The following GPR158 variants were observed in gnomAD, a reference collection of about 807,000 sequenced individuals.
GPR158 encodes the protein G protein-coupled receptor 158, also known as metabotropic glycine receptor.
GPR158 carries 30 observed loss-of-function variants against 78.2 expected under a neutral mutation model. That is an observed-to-expected ratio of 0.38 (90% CI 0.29 to 0.52). GPR158 has a LOEUF of 0.52. GPR158 is among the 20% of genes least tolerant of loss of function. The pLI, the probability that GPR158 is intolerant of heterozygous loss-of-function variation, is 0.83. For missense variants in GPR158, 1,463 were observed against 1,523.5 expected, an observed-to-expected ratio of 0.96 and a Z score of 0.66; for synonymous variants, 581 against 591.1, an observed-to-expected ratio of 0.98 and a Z score of 0.25.
At chr10:25,325,326 C>T (rs1199581513) in intron 2 of GPR158, among the ~76,000 whole-genome samples, 1 of 152,166 alleles carries the variant, frequency 6.6e-6, no homozygotes, top group Non-Finnish European at 1.5e-5. Flanking sequence ...GCTTATTTCA[C>T]TTAGCATAAT....
At chr10:25,276,331 T>G (rs1854181988) in intron 2 of GPR158, among the ~76,000 whole-genome samples, 1 of 152,178 alleles carries the variant, frequency 6.6e-6, no homozygotes, top group Admixed American at 6.6e-5. Flanking sequence ...AATTTTGATT[T>G]AGAAAAACCA....
chr10:25,289,693 T>A (rs142774501), intron 2 of GPR158, among the ~76,000 whole-genome samples: 19,379 of 152,196 alleles, frequency 0.13, 1,289 homozygotes, highest in Non-Finnish European at 0.14. Flanking sequence ...GTGCTGAAAT[T>A]ACAGGTGTGA....
chr10:25,304,381 A>G (rs1854638141), intron 2 of GPR158, among the ~76,000 whole-genome samples: 1 of 152,096 alleles, frequency 6.6e-6, no homozygotes, highest in Admixed American at 6.6e-5. Flanking sequence ...GAGGTAAGAT[A>G]TGTTACCCCT....
intron 5 of GPR158, among the ~76,000 whole-genome samples, chr10:25,547,426 C>T (rs1263470403): frequency 6.6e-6 from 1 of 152,140 alleles, no homozygotes; most frequent in African/African-American, 2.4e-5. Flanking sequence ...ACTATACGCT[C>T]CACACTCCGG....
chr10:25,365,568 C>G (rs1354783750), intron 2 of GPR158, among the ~76,000 whole-genome samples: 1 of 151,618 alleles, frequency 6.6e-6, no homozygotes, highest in Non-Finnish European at 1.5e-5. Context: ...TATCCAGAGG[C>G]TTCTTCCTTC....
chr10:25,366,524 T>A (rs1324723050), intron 2 of GPR158, among the ~76,000 whole-genome samples: 1 of 151,736 alleles, frequency 6.6e-6, no homozygotes, highest in Non-Finnish European at 1.5e-5. Context: ...TGAATCAAGC[T>A]AACTAAAATA....
intron 2 of GPR158, among the ~76,000 whole-genome samples, chr10:25,270,061 T>C (rs971204128): frequency 1.3e-5 from 2 of 152,176 alleles, no homozygotes; most frequent in Admixed American, 6.6e-5. Context: ...ACAAAGATTT[T>C]TGGGGAGATC....
At chr10:25,270,062 T>G (rs981593643) in intron 2 of GPR158, among the ~76,000 whole-genome samples, 6 of 152,164 alleles carry the variant, frequency 3.9e-5, no homozygotes, top group Admixed American at 1.3e-4. Flanking sequence ...CAAAGATTTT[T>G]GGGGAGATCT....
intron 5 of GPR158, among the ~76,000 whole-genome samples, chr10:25,478,190 C>G (rs1030654693): frequency 6.6e-6 from 1 of 152,094 alleles, no homozygotes; most frequent in Non-Finnish European, 1.5e-5. Flanking sequence ...TTTTAATAAA[C>G]TTAGAGAGCC....
chr10:25,457,335 C>T (rs1196961495), intron 4 of GPR158, among the ~76,000 whole-genome samples: 1 of 151,702 alleles, frequency 6.6e-6, no homozygotes, highest in Admixed American at 6.6e-5. Context: ...TAAGCAAATG[C>T]CATTGCTTGT....
chr10:25,573,176 T>C (rs192002077), intron 7 of GPR158, among the ~76,000 whole-genome samples: 174 of 152,360 alleles, frequency 1.1e-3, no homozygotes, highest in African/African-American at 4.0e-3. Context: ...AGCTTACTTT[T>C]CTCATTCTTA....
chr10:25,225,504 A>T (rs1853361144), intron 2 of GPR158, among the ~76,000 whole-genome samples: 1 of 152,156 alleles, frequency 6.6e-6, no homozygotes, highest in Non-Finnish European at 1.5e-5. Context: ...ATGTGTGATC[A>T]TGTAAAGTAT....
At chr10:25,427,248 A>G (rs973659653) in intron 4 of GPR158, among the ~76,000 whole-genome samples, 2 of 152,068 alleles carry the variant, frequency 1.3e-5, no homozygotes, top group African/African-American at 2.4e-5. Flanking sequence ...TATTAGTGAC[A>G]TGGGAGGCAC....
At chr10:25,399,423 G>A (rs1234580707) in intron 3 of GPR158, among the ~76,000 whole-genome samples, 1 of 152,064 alleles carries the variant, frequency 6.6e-6, no homozygotes, top group Non-Finnish European at 1.5e-5. Flanking sequence ...ACCCTAATGT[G>A]AACTGCATTT....
intron 5 of GPR158, among the ~76,000 whole-genome samples, chr10:25,509,240 C>T (rs1836052280): frequency 1.3e-5 from 2 of 152,302 alleles, no homozygotes; most frequent in African/African-American, 4.8e-5. Flanking sequence ...TTGAGAACTA[C>T]ATGCTTAATT....
At chr10:25,460,777 T>C (rs1046284487) in intron 4 of GPR158, among the ~76,000 whole-genome samples, 2 of 152,216 alleles carry the variant, frequency 1.3e-5, no homozygotes, top group Non-Finnish European at 2.9e-5. Flanking sequence ...ACAGATACCA[T>C]GTGTCTTACA....
intron 3 of GPR158, among the ~76,000 whole-genome samples, chr10:25,406,534 G>T (rs117941506): frequency 0.026 from 3,988 of 152,288 alleles, 85 homozygotes; most frequent in Middle Eastern, 0.048. Flanking sequence ...GCTGGGAATA[G>T]CCAGCTGGGA....
intron 2 of GPR158, among the ~76,000 whole-genome samples, chr10:25,302,133 G>A (rs59722277): frequency 0.2 from 29,555 of 147,134 alleles, 5,057 homozygotes; most frequent in African/African-American, 0.47. Context: ...GTGCAGTGGT[G>A]CGATCTCGGC....
chr10:25,542,652 G>T (rs138681848), intron 5 of GPR158, among the ~76,000 whole-genome samples: 1 of 151,630 alleles, frequency 6.6e-6, no homozygotes, highest in Admixed American at 6.6e-5. Context: ...GTGAAACCCC[G>T]TCTCTACTAA....
Sources: allele counts gnomAD v4.1 joint callset (sites outside exome capture counted in the v4.1 genomes callset), GRCh38; gene constraint gnomAD v4.1.1; transcripts MANE v1.5; gene names NCBI Gene and HGNC (gene_info 2026-07-23, HGNC 2026-07-21).